The following CLIC2 variants were observed in gnomAD, a reference collection of about 807,000 sequenced individuals.
CLIC2 encodes the protein CLIC family member 2, also known as chloride intracellular channel protein 2.
A neutral mutation model predicts 14.8 loss-of-function variants in CLIC2; 9 were observed. That is an observed-to-expected ratio of 0.61 (90% CI 0.37 to 1.06). CLIC2 has a LOEUF of 1.06. CLIC2 is among the 50% of genes least tolerant of loss of function. CLIC2 has a pLI of 0.01. For synonymous variants in CLIC2, 61 were observed against 66.3 expected, an observed-to-expected ratio of 0.92 and a Z score of 0.39; for missense variants, 148 against 181.4, an observed-to-expected ratio of 0.82 and a Z score of 1.06.
At chrX:155,309,658 G>C (rs1321193505) in intron 1 of CLIC2, 3 of 184,385 alleles carry the variant, frequency 1.6e-5, no homozygotes, top group African/African-American at 9.3e-5. Flanking sequence ...AAGAGAATGA[G>C]AGCCAAGTGA....
chrX:155,295,628 T>C (rs2074989543), intron 3 of CLIC2, among the ~76,000 whole-genome samples: 1 of 110,615 alleles, frequency 9.0e-6, no homozygotes, highest in Non-Finnish European at 1.9e-5. Flanking sequence ...ACCTAAAAAC[T>C]CCACCAAAAA....
At chrX:155,295,599 T>C (rs1196688847) in intron 3 of CLIC2, among the ~76,000 whole-genome samples, 1 of 111,092 alleles carries the variant, frequency 9.0e-6, no homozygotes, top group Non-Finnish European at 1.9e-5. Flanking sequence ...ACTGGTGCCA[T>C]GATCTTGTAT....
In CLIC2 at chrX:155,277,665, T is replaced by C. The variant is rs1557315914; in HGVS notation, c.*238A>G. 2 of 346,218 alleles carry C rather than the reference T, an allele frequency of 5.8e-6. No homozygotes were observed. Among genetic ancestry groups the C allele is most frequent in the Non-Finnish European group, 1.0e-5 (2 of 199,414 alleles). 28.5% of individuals were successfully genotyped at this position (346,218 alleles called of 1,213,427 possible). A position where few individuals can be genotyped will look rare whatever the true frequency, so the allele number is the denominator to read the frequency against. On this transcript the variant is annotated 3_prime_UTR_variant, in exon 6 of 6. Coordinates refer to ENST00000369449, the MANE Select transcript of CLIC2 (RefSeq NM_001289.6). ...GCAAAAGATTGTGATGCTTTCCATG[T>C]CATTCAGGATTGCAGTGGTTTGCCA... is the stretch of plus-strand genomic sequence containing the variant.
intron 1 of CLIC2, among the ~76,000 whole-genome samples, chrX:155,317,520 C>A (rs1043785988): frequency 9.0e-6 from 1 of 111,501 alleles, no homozygotes; most frequent in Admixed American, 9.5e-5. Context: ...GTTATAGTAA[C>A]TCTGAACACA....
rs781825376 is a variant in CLIC2 at position 155,327,274 on chromosome X, CAAT to C, written c.57+7094_57+7096del. Among the ~76,000 whole-genome samples, 18 of 110,671 alleles carry C rather than the reference CAAT, an allele frequency of 1.6e-4. No individual in the cohort carries two copies. The Admixed American group carries it at 1.7e-3, about 11-fold the overall frequency. ...TGTGAAATAAAAATAGTTTGCAAAA[CAAT>C]GTATTAAAAGTAATGGCAAAAAGCG... On this transcript the variant is annotated intron_variant, in intron 1 of 5. Coordinates refer to ENST00000369449, the MANE Select transcript of CLIC2 (RefSeq NM_001289.6).
chrX:155,291,331 A>T, intron 3 of CLIC2: 1 of 882,299 alleles, frequency 1.1e-6, no homozygotes, highest in African/African-American at 2.0e-5. Flanking sequence ...CTCTGGCAAG[A>T]TCTCTTTAAC....
At chrX:155,331,844 C>G (rs1466084020) in intron 1 of CLIC2, among the ~76,000 whole-genome samples, 1 of 110,995 alleles carries the variant, frequency 9.0e-6, no homozygotes, top group Non-Finnish European at 1.9e-5. Flanking sequence ...TTTATAATAG[C>G]TATAAGATAC....
intron 1 of CLIC2, among the ~76,000 whole-genome samples, chrX:155,330,317 C>T (rs2075152503): frequency 9.0e-6 from 1 of 110,894 alleles, no homozygotes. Flanking sequence ...AATATATATA[C>T]CTACTATGTA....
chrX:155,280,990 G>GATATATATATATATATATATATATAT (rs373277985), intron 3 of CLIC2, among the ~76,000 whole-genome samples: 4 of 89,884 alleles, frequency 4.5e-5, no homozygotes, highest in African/African-American at 1.6e-4. Context: ...GAAATTGTGA[G>GATATATATATATATATATATATATAT]ATATATATAT....
chrX:155,325,272 G>A (rs1306431443), intron 1 of CLIC2, among the ~76,000 whole-genome samples: 4 of 111,517 alleles, frequency 3.6e-5, no homozygotes, highest in African/African-American at 6.5e-5. Flanking sequence ...ATACCCAAAG[G>A]ATTATAAATC....
chrX:155,300,547 A>G lies in CLIC2; in HGVS notation c.58-1402T>C, dbSNP rs1447648902. On this transcript the variant is annotated intron_variant, in intron 1 of 5. Coordinates refer to ENST00000369449, the MANE Select transcript of CLIC2 (RefSeq NM_001289.6). ...TAGGTTGCCTGTTGACTCTGATGGT[A>G]GTTTCTTTTGCTGTGCAGAAGCTCT... Among the ~76,000 whole-genome samples the G allele has an allele frequency of 4.5e-5, 5 of 111,104 alleles. No individual in the cohort carries two copies. The Admixed American group carries it at 4.8e-4, about 11-fold the overall frequency.
At chrX:155,300,501 C>T (rs1315032891) in intron 1 of CLIC2, among the ~76,000 whole-genome samples, 4 of 111,258 alleles carry the variant, frequency 3.6e-5, no homozygotes, top group East Asian at 2.8e-4. Context: ...GAGTAGGTTG[C>T]GAAAATTTTC....
rs975863107 is a variant in CLIC2 at position 155,309,511 on chromosome X, A to G, written c.58-10366T>C. On this transcript the variant is annotated intron_variant, in intron 1 of 5. Transcript: ENST00000369449. ...CTGTTTCCATGCTGCTGATAAAGAC[A>G]TACATGAGACTGAGCAATTTACAAA... 9 of 258,872 alleles carry G rather than the reference A, an allele frequency of 3.5e-5. No individual in the cohort carries two copies. The East Asian group carries it at 1.1e-3, about 30-fold the overall frequency. The allele number at this position is 258,872 out of a possible 1,213,427, so 21.3% of individuals were successfully genotyped here.
At chrX:155,304,631 CGT>C (rs2075039900) in intron 1 of CLIC2, among the ~76,000 whole-genome samples, 1 of 103,309 alleles carries the variant, frequency 9.7e-6, no homozygotes, top group East Asian at 3.0e-4. Context: ...TGAGGAACTG[CGT>C]TCCTTTGGAG....
intron 1 of CLIC2, among the ~76,000 whole-genome samples, chrX:155,305,438 C>G (rs997077368): frequency 8.9e-6 from 1 of 112,494 alleles, no homozygotes; most frequent in Non-Finnish European, 1.9e-5. Flanking sequence ...TCGGCTCGCG[C>G]ACGGTGCACG....
intron 5 of CLIC2, 117 bp downstream of exon 5, chrX:155,279,032 T>G (rs782180295): frequency 5.1e-6 from 3 of 584,996 alleles, no homozygotes; most frequent in East Asian, 6.5e-5. Flanking sequence ...GTACACATGA[T>G]GATGATGATA....
intron 1 of CLIC2, among the ~76,000 whole-genome samples, chrX:155,299,727 T>TC (rs1440777898): frequency 0.011 from 489 of 44,063 alleles, 8 homozygotes; most frequent in African/African-American, 0.044. Context: ...CCCTCCCCCC[T>TC]CCCCCCACCC....
At chrX:155,323,321 A>G (rs1602960739) in intron 1 of CLIC2, among the ~76,000 whole-genome samples, 2 of 112,204 alleles carry the variant, frequency 1.8e-5, no homozygotes, top group Admixed American at 9.4e-5. Flanking sequence ...CACATCAAAA[A>G]GCTTATTCAC....
intron 1 of CLIC2, among the ~76,000 whole-genome samples, chrX:155,300,261 T>C (rs2075011535): frequency 9.0e-6 from 1 of 110,655 alleles, no homozygotes; most frequent in Non-Finnish European, 1.9e-5. Context: ...TTTTTAATGA[T>C]TGCCATTCTA....
Sources: allele counts gnomAD v4.1 joint callset (sites outside exome capture counted in the v4.1 genomes callset), GRCh38; gene constraint gnomAD v4.1.1; transcripts MANE v1.5; gene names NCBI Gene and HGNC (gene_info 2026-07-23, HGNC 2026-07-21).